The following FBXO15 variants were observed in gnomAD, a reference collection of about 807,000 sequenced individuals.
FBXO15 encodes F-box only protein 15.
FBXO15 carries 30 observed loss-of-function variants against 49.5 expected under a neutral mutation model. The ratio of observed to expected loss-of-function variants is 0.61; its 90% confidence interval spans 0.45 to 0.82. The LOEUF is 0.82. Ranked by LOEUF, FBXO15 falls within the 40% of genes least tolerant of loss-of-function variation. The pLI is 0.00. For synonymous variants in FBXO15, 250 were observed against 232.7 expected (o/e 1.07, Z -0.68); for missense variants, 591 against 631.5 (o/e 0.94, Z 0.69).
chr18:74,095,543 A>G (rs1028491949), intron 8 of FBXO15, among the ~76,000 whole-genome samples: 2 of 152,234 alleles, frequency 1.3e-5, no homozygotes, highest in Non-Finnish European at 2.9e-5. Flanking sequence ...TACAACAGTT[A>G]TCTATTAGGT....
intron 9 of FBXO15, among the ~76,000 whole-genome samples, chr18:74,079,211 A>G (rs1353581565): frequency 6.6e-6 from 1 of 152,236 alleles, no homozygotes; most frequent in Non-Finnish European, 1.5e-5. Flanking sequence ...AAGAAAATCC[A>G]TCCATCTGAA....
intron 1 of FBXO15, among the ~76,000 whole-genome samples, chr18:74,142,940 T>C (rs1286712232): frequency 1.3e-5 from 2 of 152,216 alleles, no homozygotes; most frequent in East Asian, 3.8e-4. Flanking sequence ...TTATATTACA[T>C]ATTCAAAGAT....
In FBXO15 at chr18:74,138,428, C is replaced by G. The variant is rs988274027; in HGVS notation, c.227+1774G>C. 3.9e-5 allele frequency among the ~76,000 whole-genome samples: 6 copies of G among 152,206 alleles called. No individual in the cohort carries two copies. The East Asian group carries it at 1.2e-3, about 29-fold the overall frequency. On this transcript the variant is annotated intron_variant, in intron 2 of 9. Coordinates refer to ENST00000419743, the MANE Select transcript of FBXO15 (RefSeq NM_001142958.2). ...ACCGACTGCTCTTGTGTTGCAGGCT[C>G]TCTCCTCTTCTGCTTCACACACAGC...
chr18:74,138,311 G>A (rs901243843), intron 2 of FBXO15, among the ~76,000 whole-genome samples: 7 of 152,236 alleles, frequency 4.6e-5, no homozygotes, highest in Non-Finnish European at 7.4e-5. Flanking sequence ...GAAAATGAGC[G>A]GCCAGCCCCT....
At chr18:74,100,521 C>T (rs1913469304) in intron 8 of FBXO15, among the ~76,000 whole-genome samples, 2 of 151,738 alleles carry the variant, frequency 1.3e-5, no homozygotes, top group South Asian at 4.2e-4. Flanking sequence ...GAAAAAAGAA[C>T]AAACCAAACC....
intron 2 of FBXO15, among the ~76,000 whole-genome samples, chr18:74,136,322 A>C (rs1289152176): frequency 6.6e-6 from 1 of 152,192 alleles, no homozygotes; most frequent in Non-Finnish European, 1.5e-5. Flanking sequence ...GCTGGACTAC[A>C]GGCGCACGCC....
chr18:74,127,149 C>A (rs541907457), intron 5 of FBXO15, among the ~76,000 whole-genome samples: 13 of 152,308 alleles, frequency 8.5e-5, no homozygotes, highest in African/African-American at 2.9e-4. Context: ...GAGCACACGG[C>A]ATGGGGCAGG....
intron 9 of FBXO15, among the ~76,000 whole-genome samples, chr18:74,079,433 A>G (rs912869564): frequency 5.3e-5 from 8 of 152,322 alleles, no homozygotes; most frequent in Admixed American, 6.5e-5. Flanking sequence ...TTAAATGAAA[A>G]GTTCTGGAGA....
intron 4 of FBXO15, 135 bp downstream of exon 4, chr18:74,130,279 ATG>A: frequency 8.1e-7 from 1 of 1,228,878 alleles, no homozygotes; most frequent in Non-Finnish European, 1.1e-6. Flanking sequence ...GAATAGGAAA[ATG>A]ATACATATTT....
At chr18:74,128,874 A>G (rs1978305081) in intron 5 of FBXO15, among the ~76,000 whole-genome samples, 1 of 152,232 alleles carries the variant, frequency 6.6e-6, no homozygotes, top group South Asian at 2.1e-4. Context: ...GATCGATCTT[A>G]TTCATTGCAG....
At chr18:74,146,085 A>G (rs1979394147) in intron 1 of FBXO15, among the ~76,000 whole-genome samples, 1 of 152,218 alleles carries the variant, frequency 6.6e-6, no homozygotes, top group African/African-American at 2.4e-5. Flanking sequence ...AATAAGTCCA[A>G]TATTTTAAAA....
intron 1 of FBXO15, among the ~76,000 whole-genome samples, chr18:74,144,288 T>C (rs368032791): frequency 2.0e-5 from 3 of 152,136 alleles, no homozygotes; most frequent in Non-Finnish European, 4.4e-5. Flanking sequence ...ATCTGATTCA[T>C]AGGATTACAA....
chr18:74,114,891 G>A (rs2145172491), intron 8 of FBXO15, among the ~76,000 whole-genome samples: 1 of 152,226 alleles, frequency 6.6e-6, no homozygotes, highest in Middle Eastern at 3.4e-3. Context: ...AAAGTTCCAA[G>A]GAGAAGCAGT....
chr18:74,079,029 A>G (rs532989615), intron 9 of FBXO15, among the ~76,000 whole-genome samples: 4 of 152,212 alleles, frequency 2.6e-5, no homozygotes, highest in Non-Finnish European at 4.4e-5. Context: ...GCTCTACTGA[A>G]CTCAGCTGTT....
At chr18:74,090,949 T>C (rs1360892382) in intron 8 of FBXO15, among the ~76,000 whole-genome samples, 1 of 152,130 alleles carries the variant, frequency 6.6e-6, no homozygotes, top group Admixed American at 6.6e-5. Flanking sequence ...CTGAATATCT[T>C]TGTTAGTTTT....
At chr18:74,099,753 GC>G (rs986583242) in intron 8 of FBXO15, 115 of 152,244 alleles carry the variant, frequency 7.6e-4, no homozygotes, top group African/African-American at 2.6e-3. Flanking sequence ...CCAACAGCAA[GC>G]AAAAGTAGCT....
At chr18:74,127,342 C>T (rs977057818) in intron 5 of FBXO15, among the ~76,000 whole-genome samples, 4 of 152,232 alleles carry the variant, frequency 2.6e-5, no homozygotes, top group Middle Eastern at 3.2e-3. Flanking sequence ...CTAAGGCTGA[C>T]GTTTCCCCAG....
At chr18:74,111,305 A>G (rs1404506496) in intron 8 of FBXO15, among the ~76,000 whole-genome samples, 1 of 151,880 alleles carries the variant, frequency 6.6e-6, no homozygotes, top group Non-Finnish European at 1.5e-5. Flanking sequence ...ACACACCTTA[A>G]CAAATTTACA....
intron 8 of FBXO15, among the ~76,000 whole-genome samples, chr18:74,122,185 C>T (rs373621315): frequency 6.6e-6 from 1 of 152,234 alleles, no homozygotes; most frequent in Non-Finnish European, 1.5e-5. Context: ...CTCCCTACAC[C>T]TTTTCTAATA....
Sources: gnomAD v4.1 joint callset for allele counts (sites outside exome capture counted in the v4.1 genomes callset) on GRCh38, gnomAD v4.1.1 for gene constraint, MANE v1.5 for transcripts, NCBI Gene and HGNC (gene_info 2026-07-23, HGNC 2026-07-21) for gene names.